BMERB1: variants seen among roughly 807,000 people sequenced by gnomAD.
BMERB1 encodes bMERB domain containing 1, also known as bMERB domain-containing protein 1.
A neutral mutation model predicts 23.6 loss-of-function variants in BMERB1; 12 were observed. That is an observed-to-expected ratio of 0.51 (90% CI 0.33 to 0.82). BMERB1 has a LOEUF of 0.82. Ranked by LOEUF, BMERB1 falls within the 40% of genes least tolerant of loss-of-function variation. BMERB1 has a pLI of 0.03. For synonymous variants in BMERB1, 122 were observed against 96.6 expected (o/e 1.26, Z -1.54); for missense variants, 247 against 255.4 (o/e 0.97, Z 0.22).
chr16:15,473,784 A>C (rs1346072674), intron 1 of BMERB1, among the ~76,000 whole-genome samples: 1 of 152,112 alleles, frequency 6.6e-6, no homozygotes, highest in Non-Finnish European at 1.5e-5. Flanking sequence ...CATGGTTTCA[A>C]AGGAGAACTT....
intron 3 of BMERB1, among the ~76,000 whole-genome samples, chr16:15,575,714 G>A (rs1001340113): frequency 6.6e-6 from 1 of 152,176 alleles, no homozygotes; most frequent in African/African-American, 2.4e-5. Flanking sequence ...AGAATTTTCT[G>A]AGGTTTAAAT....
chr16:15,439,301 T>C (rs890106785), intron 1 of BMERB1, among the ~76,000 whole-genome samples: 3 of 152,188 alleles, frequency 2.0e-5, no homozygotes, highest in Non-Finnish European at 1.5e-5. Flanking sequence ...AGTTGCCTCA[T>C]CTGTGAAATG....
At chr16:15,450,039 A>G (rs2051028324) in intron 1 of BMERB1, among the ~76,000 whole-genome samples, 4 of 151,702 alleles carry the variant, frequency 2.6e-5, no homozygotes, top group Admixed American at 2.6e-4. Flanking sequence ...GGTGTGTGTC[A>G]TCACACCCAG....
At chr16:15,496,228 T>C (rs2051472253) in intron 1 of BMERB1, among the ~76,000 whole-genome samples, 1 of 152,068 alleles carries the variant, frequency 6.6e-6, no homozygotes, top group South Asian at 2.1e-4. Context: ...GTAAAGATAA[T>C]GGTGATAGTG....
At chr16:15,565,757 G>A (rs2030546015) in intron 2 of BMERB1, among the ~76,000 whole-genome samples, 1 of 152,192 alleles carries the variant, frequency 6.6e-6, no homozygotes, top group South Asian at 2.1e-4. Flanking sequence ...CTACTTCAGA[G>A]GCTGAGGTGG....
intron 2 of BMERB1, among the ~76,000 whole-genome samples, chr16:15,542,631 A>ATTTT (rs927255507): frequency 2.6e-4 from 25 of 96,842 alleles, no homozygotes; most frequent in African/African-American, 8.1e-4. Context: ...CCTCCTAGGG[A>ATTTT]TTTTTTTTTT....
chr16:15,436,789 G>A (rs570026266), intron 1 of BMERB1, among the ~76,000 whole-genome samples: 2 of 151,912 alleles, frequency 1.3e-5, no homozygotes, highest in Non-Finnish European at 2.9e-5. Flanking sequence ...AACAATGGCT[G>A]CCTTTTATTG....
At chr16:15,496,687 C>T (rs898101933) in intron 1 of BMERB1, among the ~76,000 whole-genome samples, 30 of 152,110 alleles carry the variant, frequency 2.0e-4, no homozygotes, top group Admixed American at 1.3e-3. Context: ...TACAGGCGCC[C>T]GCCACCACGC....
intron 2 of BMERB1, among the ~76,000 whole-genome samples, chr16:15,528,511 C>G (rs1323930134): frequency 6.6e-6 from 1 of 152,096 alleles, no homozygotes; most frequent in East Asian, 1.9e-4. Context: ...TGGATCTGCT[C>G]ACACCTCTTC....
intron 1 of BMERB1, among the ~76,000 whole-genome samples, chr16:15,505,856 C>G (rs949594351): frequency 1.2e-4 from 18 of 149,996 alleles, no homozygotes; most frequent in African/African-American, 4.4e-4. Context: ...CCACTGCACT[C>G]CAGCCTGGGT....
intron 3 of BMERB1, among the ~76,000 whole-genome samples, chr16:15,577,528 G>A (rs908750074): frequency 6.6e-6 from 1 of 152,228 alleles, no homozygotes; most frequent in African/African-American, 2.4e-5. Context: ...TTATTAACAA[G>A]TTTTAGAGCA....
At chr16:15,487,281 G>A (rs2051376716) in intron 1 of BMERB1, among the ~76,000 whole-genome samples, 1 of 152,104 alleles carries the variant, frequency 6.6e-6, no homozygotes. Flanking sequence ...TACCTAGCAG[G>A]AAAAACCAAT....
intron 2 of BMERB1, among the ~76,000 whole-genome samples, chr16:15,520,477 C>CTTTT (rs147757819): frequency 9.1e-5 from 10 of 109,356 alleles, no homozygotes; most frequent in South Asian, 3.0e-4. Flanking sequence ...CATAGATGTT[C>CTTTT]TTTTTTTTTT....
chr16:15,547,040 T>TCTCG (rs1011199345), intron 2 of BMERB1, among the ~76,000 whole-genome samples: 2 of 144,988 alleles, frequency 1.4e-5, no homozygotes, highest in Non-Finnish European at 3.0e-5. Context: ...TGAGACAGAG[T>TCTCG]CTCGCTCTGT....
intron 1 of BMERB1, among the ~76,000 whole-genome samples, chr16:15,465,347 ATATATATTTT>A (rs929762629): frequency 1.5e-5 from 1 of 67,446 alleles, no homozygotes; most frequent in African/African-American, 3.3e-5. Context: ...CAATGCTAAG[ATATATATTTT>A]TTTTTTTTTT....
At chr16:15,498,662 A>G (rs2051498331) in intron 1 of BMERB1, among the ~76,000 whole-genome samples, 1 of 152,006 alleles carries the variant, frequency 6.6e-6, no homozygotes, top group Non-Finnish European at 1.5e-5. Context: ...GGGAAGATGG[A>G]ACTAAGGAAG....
intron 1 of BMERB1, among the ~76,000 whole-genome samples, chr16:15,499,796 C>T (rs2051510076): frequency 6.6e-6 from 1 of 152,148 alleles, no homozygotes; most frequent in Admixed American, 6.5e-5. Flanking sequence ...CCGCCTCTTG[C>T]GGGAAGATGT....
intron 1 of BMERB1, among the ~76,000 whole-genome samples, chr16:15,474,644 C>T (rs1158486634): frequency 1.3e-5 from 2 of 152,042 alleles, no homozygotes; most frequent in Non-Finnish European, 2.9e-5. Context: ...CCTCCTAAAG[C>T]ACTGGGATTT....
In BMERB1 at chr16:15,474,037, G is replaced by A. The variant is rs534405961; in HGVS notation, c.106+39278G>A. Among the ~76,000 whole-genome samples, 16 of 151,356 alleles carry A rather than the reference G, an allele frequency of 1.1e-4. No homozygotes were observed. The East Asian group carries it at 2.0e-3, about 19-fold the overall frequency. On this transcript the variant is annotated intron_variant, in intron 1 of 5. Transcript: ENST00000300006. ...CGGGAGGCTGAGGCAGGAGAATGGC[G>A]TGAACCCAGGAGGTGGAGCTTGCAG...
Sources: allele counts gnomAD v4.1 joint callset (sites outside exome capture counted in the v4.1 genomes callset), GRCh38; gene constraint gnomAD v4.1.1; transcripts MANE v1.5; gene names NCBI Gene and HGNC (gene_info 2026-07-23, HGNC 2026-07-21).